CSMD1: variants seen among roughly 807,000 people sequenced by gnomAD.
CSMD1 encodes the protein CUB and Sushi multiple domains 1.
CSMD1 carries 213 observed loss-of-function variants against 417.5 expected under a neutral mutation model. The observed-to-expected ratio is 0.51, with a 90% CI of 0.46 to 0.57. The LOEUF (loss-of-function observed/expected upper bound fraction) is 0.57, where lower values mean the gene tolerates loss of function less well. Ranked by LOEUF, CSMD1 falls within the 20% of genes least tolerant of loss-of-function variation. The pLI is 0.00. For missense variants in CSMD1, 6,923 were observed against 4,529.7 expected, an observed-to-expected ratio of 1.53 and a Z score of -15.17; for synonymous variants, 2,862 against 1,736.8, an observed-to-expected ratio of 1.65 and a Z score of -16.11.
intron 1 of CSMD1, among the ~76,000 whole-genome samples, chr8:4,847,801 T>C (rs2407667): frequency 0.29 from 43,168 of 150,054 alleles, 6,599 homozygotes; most frequent in Non-Finnish European, 0.35. Flanking sequence ...TTTTGACGGC[T>C]TGAGATATAA....
intron 23 of CSMD1, among the ~76,000 whole-genome samples, chr8:3,332,730 G>A (rs983906340): frequency 3.9e-5 from 6 of 152,190 alleles, no homozygotes; most frequent in African/African-American, 1.4e-4. Flanking sequence ...TATCTGAGAT[G>A]GAAGGAAAAC....
chr8:4,155,584 G>T (rs1369259144), intron 3 of CSMD1, among the ~76,000 whole-genome samples: 1 of 152,144 alleles, frequency 6.6e-6, no homozygotes, highest in Admixed American at 6.5e-5. Flanking sequence ...TTTAAATTGT[G>T]AGTCATTTTT....
rs547317742 is a variant in CSMD1 at position 4,490,819 on chromosome 8, A to G, written c.303-70754T>C. ...TTCTAGGTGTTTCTGTTTTCTCACA[A>G]ATAAAGTCGGAAACACATTATCCTC... On this transcript the variant is annotated intron_variant, in intron 2 of 69. Transcript: ENST00000635120. Among the ~76,000 whole-genome samples, 3 of 152,364 alleles carry G rather than the reference A, an allele frequency of 2.0e-5. No homozygotes were observed. In the East Asian group the frequency reaches 5.8e-4, roughly 29 times the overall value.
chr8:3,623,844 G>A (rs759831793), intron 7 of CSMD1, among the ~76,000 whole-genome samples: 10 of 152,184 alleles, frequency 6.6e-5, no homozygotes, highest in Admixed American at 1.3e-4. Context: ...GGGCGTGCTG[G>A]TGTGCATCTG....
At position 4,542,316 on chromosome 8, in the gene CSMD1, C is replaced by T. The variant is rs187653951; in HGVS notation, c.302+95026G>A. Among the ~76,000 whole-genome samples the T allele has an allele frequency of 2.2e-3, 336 of 152,058 alleles. 5 individuals are homozygous for T. The highest frequency in any genetic ancestry group is 0.019 in the Admixed American group (292 of 15,276). ...CCATGAATATGTTAATATAAATTGT[C>T]GTTCTCCATAACAGAAAATAAAAGA... On this transcript the variant is annotated intron_variant, in intron 2 of 69. Transcript: ENST00000635120.
intron 7 of CSMD1, among the ~76,000 whole-genome samples, chr8:3,650,971 A>C (rs895478209): frequency 6.6e-6 from 1 of 152,158 alleles, no homozygotes; most frequent in African/African-American, 2.4e-5. Flanking sequence ...CCCTATAGTA[A>C]ACACCTTTAT....
At chr8:4,672,136 G>A (rs1226759526) in intron 1 of CSMD1, among the ~76,000 whole-genome samples, 1 of 152,182 alleles carries the variant, frequency 6.6e-6, no homozygotes, top group South Asian at 2.1e-4. Flanking sequence ...CATTGCATGA[G>A]GCTCTCACAC....
At chr8:3,130,132 T>C (rs895646877) in intron 41 of CSMD1, among the ~76,000 whole-genome samples, 1 of 152,214 alleles carries the variant, frequency 6.6e-6, no homozygotes, top group African/African-American at 2.4e-5. Flanking sequence ...ATTTTTCTTA[T>C]TGGCTCAGAT....
chr8:3,680,766 G>A (rs972663356), intron 7 of CSMD1, among the ~76,000 whole-genome samples: 4 of 152,156 alleles, frequency 2.6e-5, no homozygotes, highest in Non-Finnish European at 5.9e-5. Flanking sequence ...TATCCCTGAT[G>A]AACATTGATG....
chr8:3,354,934 G>GAT (rs993551856), intron 21 of CSMD1, among the ~76,000 whole-genome samples: 2 of 62,392 alleles, frequency 3.2e-5, no homozygotes, highest in Admixed American at 2.9e-4. Flanking sequence ...TATAGATATA[G>GAT]ATATATATAG....
At chr8:3,579,720 C>G (rs1253199041) in intron 9 of CSMD1, among the ~76,000 whole-genome samples, 1 of 152,174 alleles carries the variant, frequency 6.6e-6, no homozygotes, top group Non-Finnish European at 1.5e-5. Context: ...AGCCACTCAG[C>G]TTATTTAATT....
At chr8:3,014,174 T>C (rs1298666617) in intron 52 of CSMD1, among the ~76,000 whole-genome samples, 1 of 145,782 alleles carries the variant, frequency 6.9e-6, no homozygotes, top group African/African-American at 2.6e-5. Flanking sequence ...TATGCCCTGA[T>C]CGAAGATAGG....
intron 2 of CSMD1, among the ~76,000 whole-genome samples, chr8:4,495,314 G>T: frequency 6.6e-6 from 1 of 152,260 alleles, no homozygotes; most frequent in East Asian, 1.9e-4. Context: ...GGTGGCTCAC[G>T]CCTGTAATCC....
At chr8:3,402,728 G>C (rs17063117) in intron 15 of CSMD1, among the ~76,000 whole-genome samples, 1,957 of 152,020 alleles carry the variant, frequency 0.013, 46 homozygotes, top group African/African-American at 0.045. Flanking sequence ...CTTTTTATCA[G>C]AATCATAAAC....
At chr8:4,855,356 C>T (rs1006018812) in intron 1 of CSMD1, among the ~76,000 whole-genome samples, 83 of 152,260 alleles carry the variant, frequency 5.5e-4, no homozygotes, top group Non-Finnish European at 1.0e-3. Context: ...AAGCAGAGCG[C>T]CTCTCCTCCT....
chr8:4,852,010 G>C (rs965490531), intron 1 of CSMD1, among the ~76,000 whole-genome samples: 1 of 152,100 alleles, frequency 6.6e-6, no homozygotes, highest in African/African-American at 2.4e-5. Context: ...CGCTTGATCT[G>C]TCACTAAGGT....
chr8:4,356,368 G>T (rs1801433130), intron 3 of CSMD1, among the ~76,000 whole-genome samples: 1 of 151,320 alleles, frequency 6.6e-6, no homozygotes, highest in African/African-American at 2.4e-5. Flanking sequence ...TTATCCACTT[G>T]TTGATTTATG....
At chr8:4,729,324 G>A (rs1338823796) in intron 1 of CSMD1, among the ~76,000 whole-genome samples, 1 of 152,196 alleles carries the variant, frequency 6.6e-6, no homozygotes, top group Non-Finnish European at 1.5e-5. Flanking sequence ...AAGGTGTTTT[G>A]TTGGTGTGGA....
chr8:4,297,970 G>T (rs1338465629), intron 3 of CSMD1, among the ~76,000 whole-genome samples: 1 of 152,142 alleles, frequency 6.6e-6, no homozygotes, highest in Admixed American at 6.5e-5. Flanking sequence ...CCTGAAGAGT[G>T]AATATGGTGA....
Sources: allele counts gnomAD v4.1 joint callset (sites outside exome capture counted in the v4.1 genomes callset), GRCh38; gene constraint gnomAD v4.1.1; transcripts MANE v1.5; gene names NCBI Gene and HGNC (gene_info 2026-07-23, HGNC 2026-07-21).